IGFBP6: variants seen among roughly 807,000 people sequenced by gnomAD.
The protein encoded by IGFBP6 is insulin-like growth factor-binding protein 6.
In IGFBP6, 24 loss-of-function variants were observed where a neutral mutation model predicts 24.5. The observed-to-expected ratio is 0.98, with a 90% CI of 0.71 to 1.38. The LOEUF (loss-of-function observed/expected upper bound fraction) is 1.38. Ranked by LOEUF, IGFBP6 falls within the 40% of genes most tolerant of loss-of-function variation. The pLI is 0.00. For missense variants in IGFBP6, 331 were observed against 324.8 expected (o/e 1.02, Z -0.15); for synonymous variants, 147 against 137.4 (o/e 1.07, Z -0.49).
rs1937814834 is a variant in IGFBP6, at chr12:53,100,846, G to A, written c.469G>A (p.Asp157Asn). The change falls in exon 2 of 4, where the codon GAC (aspartate) becomes AAC (asparagine). Residue 157 changes from aspartate to asparagine, a missense_variant. Coordinates refer to ENST00000301464, the MANE Select transcript of IGFBP6 (RefSeq NM_002178.3). The part of the protein sequence containing the change: ...PSQPNSAGVQ[D>N]TEMGPCRRHL... ...CCAGCCCAATTCTGCGGGTGTCCAAGACACTGAGATGGTGCGTTTGGAGCT... is the reference window on the plus strand; with the variant it reads ...CCAGCCCAATTCTGCGGGTGTCCAAAACACTGAGATGGTGCGTTTGGAGCT... The A allele has an allele frequency of 6.2e-7, 1 of 1,614,180 alleles. No individual in the cohort carries two copies.
chr12:53,101,979 G>A, intron 3 of IGFBP6, 66 bp from the exon 4 acceptor site: 1 of 1,432,304 alleles, frequency 7.0e-7, no homozygotes, highest in South Asian at 1.2e-5. Context: ...AGACTCAGAT[G>A]TCCCCTCTCA....
intron 3 of IGFBP6, 51 bp downstream of exon 3, chr12:53,101,211 G>A: frequency 1.3e-6 from 2 of 1,598,772 alleles, no homozygotes; most frequent in South Asian, 1.1e-5. Flanking sequence ...TCCTGCCAGG[G>A]AGTGGGGGCG....
At chr12:53,100,607 G>T (rs944079480) in intron 1 of IGFBP6, 105 bp from the exon 2 acceptor site, 8 of 1,056,802 alleles carry the variant, frequency 7.6e-6, no homozygotes, top group African/African-American at 4.7e-5. Context: ...CAACAGCGGG[G>T]CATAAGGCCC....
At chr12:53,099,829 A>T (rs866088284) in intron 1 of IGFBP6, among the ~76,000 whole-genome samples, 36 of 151,340 alleles carry the variant, frequency 2.4e-4, no homozygotes, top group Admixed American at 1.2e-3. Flanking sequence ...TAAGTAGTTA[A>T]TTTTTTTTAA....
At chr12:53,101,273 T>C in intron 3 of IGFBP6, 113 bp downstream of exon 3, 2 of 1,081,532 alleles carry the variant, frequency 1.8e-6, no homozygotes, top group Non-Finnish European at 2.7e-6. Flanking sequence ...TTTAAGGATC[T>C]TCCAACTTTA....
At chr12:53,100,642 T>C in intron 1 of IGFBP6, 70 bp from the exon 2 acceptor site, 1 of 1,508,418 alleles carries the variant, frequency 6.6e-7, no homozygotes, top group Non-Finnish European at 9.2e-7. Context: ...CAGCAGGTGA[T>C]GTGGGCAAGG....
At chr12:53,100,878 G>A (rs1937815221) in intron 2 of IGFBP6, 21 bp downstream of exon 2, 1 of 1,613,734 alleles carries the variant, frequency 6.2e-7, no homozygotes. Flanking sequence ...AGCTGGTAGG[G>A]AGCAGGAGGG....
At chr12:53,098,093 G>A (rs1409633397) in intron 1 of IGFBP6, 42 bp downstream of exon 1, 2 of 1,392,526 alleles carry the variant, frequency 1.4e-6, no homozygotes, top group Non-Finnish European at 1.8e-6. Flanking sequence ...CGTGAGACCC[G>A]CGTCCTCCAG....
chr12:53,101,118 C>T lies in IGFBP6; in HGVS notation c.558C>T (p.Tyr186=), dbSNP rs569262647. The change falls in exon 3 of 4, where the codon TAC becomes TAT. Residue 186 remains tyrosine (Y), a synonymous_variant. Coordinates refer to ENST00000301464, the MANE Select transcript of IGFBP6 (RefSeq NM_002178.3). ...TCTACCGAGGGGCTCAAACACTCTA[C>T]GTGCCCAATTGTGACCATCGAGGCT... The part of the protein sequence containing the change: ...TEVYRGAQTL[Y]VPNCDHRGFY... 24 of 1,614,220 alleles carry T rather than the reference C, an allele frequency of 1.5e-5. No homozygotes were observed. Among genetic ancestry groups the T allele is most frequent in the South Asian group, 8.8e-5 (8 of 91,092 alleles).
chr12:53,102,116 G>A lies in IGFBP6; in HGVS notation c.672G>A (p.Gly224=), dbSNP rs1937841496. 1.2e-6 allele frequency: 2 copies of A among 1,613,386 alleles called. No homozygotes were observed. The highest frequency in any genetic ancestry group is 1.3e-5 in the African/African-American group (1 of 74,710). The change falls in exon 4 of 4, where the codon GGG becomes GGA. Residue 224 remains glycine, a synonymous_variant. Coordinates refer to ENST00000301464, the MANE Select transcript of IGFBP6 (RefSeq NM_002178.3). ...CVDRMGKSLP[G]SPDGNGSSSC... ...ATCGGATGGGCAAGTCCCTGCCAGGGTCTCCAGATGGCAATGGAAGCTCCT... is the reference window on the plus strand; with the variant it reads ...ATCGGATGGGCAAGTCCCTGCCAGGATCTCCAGATGGCAATGGAAGCTCCT...
Position 53,102,196 on chromosome 12 carries a change from A to G in IGFBP6, c.*29A>G, listed in dbSNP as rs1053149. The G allele has an allele frequency of 1.2e-6, 2 of 1,612,196 alleles. No homozygotes were observed. Among genetic ancestry groups the G allele is most frequent in the Non-Finnish European group, 1.7e-6 (2 of 1,179,290 alleles). On this transcript the variant is annotated 3_prime_UTR_variant, in exon 4 of 4. Coordinates refer to ENST00000301464, the MANE Select transcript of IGFBP6 (RefSeq NM_002178.3). Reference sequence around the variant, plus strand: ...TGGGGGATAGAGGGGCTGCAGGGCCACTGGAAGGAACATGGAGCTGTCATC... The same window carrying G: ...TGGGGGATAGAGGGGCTGCAGGGCCGCTGGAAGGAACATGGAGCTGTCATC...
Position 53,097,886 on chromosome 12 carries a change from T to C in IGFBP6, c.169T>C (p.Cys57Arg). The C allele has an allele frequency of 6.6e-7, 1 of 1,517,898 alleles. No homozygotes were observed. Among genetic ancestry groups the C allele is most frequent in the African/African-American group, 1.4e-5 (1 of 72,138 alleles). The allele number at this position is 1,517,898 out of a possible 1,614,324, so 94.0% of individuals were successfully genotyped here. ...GGATGGGGGGTCGCCAGCCGAGGGC[T>C]GCGCGGAAGCTGAGGGCTGTCTCAG... ...EEDGGSPAEG[C>R]AEAEGCLRRE... The change falls in exon 1 of 4, where the codon TGC becomes CGC. Residue 57 changes from cysteine (C) to arginine (R), a missense_variant. Coordinates refer to ENST00000301464, the MANE Select transcript of IGFBP6 (RefSeq NM_002178.3).
chr12:53,098,121 C>T (rs1182029516), intron 1 of IGFBP6, 70 bp downstream of exon 1: 4 of 1,362,488 alleles, frequency 2.9e-6, no homozygotes, highest in Middle Eastern at 2.7e-4. Context: ...CCTGGGGAGA[C>T]GGGAGTGGGT....
Position 53,101,028 on chromosome 12 carries a change from C to G in IGFBP6, c.481-13C>G. On this transcript the variant is annotated splice_polypyrimidine_tract_variant and intron_variant, in intron 2 of 3. Transcript: ENST00000301464. ...CTGGAGCGGTTCTAAGCTGCCTACT[C>G]TCCCTTCCCCAGGGCCCATGCCGTA... 1.2e-6 allele frequency: 2 copies of G among 1,613,250 alleles called. No homozygotes were observed. Among genetic ancestry groups the G allele is most frequent in the Non-Finnish European group, 1.7e-6 (2 of 1,179,378 alleles).
intron 3 of IGFBP6, 146 bp from the exon 4 acceptor site, chr12:53,101,899 A>AG: frequency 1.0e-5 from 1 of 96,446 alleles, no homozygotes; most frequent in Non-Finnish European, 1.7e-5. Flanking sequence ...ACTCCATCTC[A>AG]AAAAAAAAAA....
rs933633822 is a variant in IGFBP6 at position 53,102,274 on chromosome 12, C to T, written c.*107C>T. The stretch of plus-strand genomic sequence containing the variant: ...CCACCTTCAGGCCCCGCCCCATGGG[C>T]CCCTCACCGCTGGTTGGAAAGAGTG... On this transcript the variant is annotated 3_prime_UTR_variant, in exon 4 of 4. Transcript: ENST00000301464. The T allele has an allele frequency of 1.1e-5, 14 of 1,273,572 alleles. No homozygotes were observed. Among genetic ancestry groups the T allele is most frequent in the Non-Finnish European group, 1.5e-5 (14 of 921,918 alleles). The allele number at this position is 1,273,572 out of a possible 1,614,324, so 78.9% of individuals were successfully genotyped here.
chr12:53,098,167 T>C (rs1937773916), intron 1 of IGFBP6, 116 bp downstream of exon 1: 2 of 1,218,474 alleles, frequency 1.6e-6, no homozygotes, highest in Non-Finnish European at 2.1e-6. Context: ...CCCTTGACGC[T>C]TCCGACTTTG....
rs1937813590 is a variant in IGFBP6, at chr12:53,100,804, A to C, written c.427A>C (p.Thr143Pro). The C allele has an allele frequency of 2.5e-6, 4 of 1,614,064 alleles. No homozygotes were observed. Residue 143 changes from threonine to proline, a missense_variant, in exon 2 of 4, where the codon ACC (threonine) becomes CCC (proline). By Grantham distance (38) the Thr-to-Pro change is conservative. Coordinates refer to ENST00000301464, the MANE Select transcript of IGFBP6 (RefSeq NM_002178.3). The part of the protein sequence containing the change: ...NRRDQQRNPG[T>P]STTPSQPNSA... ...CAGAGACCAACAGAGGAATCCAGGCACCTCTACCACGCCCTCCCAGCCCAA... is the reference window on the plus strand; with the variant it reads ...CAGAGACCAACAGAGGAATCCAGGCCCCTCTACCACGCCCTCCCAGCCCAA...
In IGFBP6 at chr12:53,097,747, G is replaced by A. The variant is rs17123156; in HGVS notation, c.30G>A (p.Leu10=). The A allele has an allele frequency of 3.2e-3, 4,890 of 1,545,360 alleles. 146 individuals are homozygous for A. The East Asian group carries it at 0.081, about 26-fold the overall frequency. MTPHRLLPP[L]LLLLALLLAA... ...CCCCCCACAGGCTGCTGCCACCGCTGCTGCTGCTGCTAGCTCTGCTGCTCG... is the reference window on the plus strand; with the variant it reads ...CCCCCCACAGGCTGCTGCCACCGCTACTGCTGCTGCTAGCTCTGCTGCTCG... The change falls in exon 1 of 4, where the codon CTG becomes CTA. Residue 10 remains leucine (L), a synonymous_variant. Coordinates refer to ENST00000301464, the MANE Select transcript of IGFBP6 (RefSeq NM_002178.3).
Sources: allele counts gnomAD v4.1 joint callset (sites outside exome capture counted in the v4.1 genomes callset), GRCh38; gene constraint gnomAD v4.1.1; transcripts MANE v1.5; gene names NCBI Gene and HGNC (gene_info 2026-07-23, HGNC 2026-07-21).